OPRM1: variants seen among roughly 807,000 people sequenced by gnomAD.
OPRM1 encodes the protein mu-type opioid receptor.
OPRM1 carries 27 observed loss-of-function variants against 31.8 expected under a neutral mutation model. That is an observed-to-expected ratio of 0.85 (90% confidence interval 0.63 to 1.17). OPRM1 has a LOEUF of 1.17. Among genes scored for constraint, OPRM1 ranks in the 50% most tolerant of loss-of-function variants. The pLI is 0.00. For missense variants in OPRM1, 536 were observed against 511.1 expected (o/e 1.05, Z -0.47); for synonymous variants, 196 against 189.9 (o/e 1.03, Z -0.26).
At chr6:154,077,754 A>C (rs987031198) in intron 1 of OPRM1, among the ~76,000 whole-genome samples, 5 of 152,004 alleles carry the variant, frequency 3.3e-5, no homozygotes, top group Non-Finnish European at 7.4e-5. Context: ...TTAATTAATT[A>C]ATTAACTAAA....
chr6:154,124,226 A>G lies in OPRM1; in HGVS notation c.*5505A>G, dbSNP rs1292208310. ...TAAGAGCTCGGAAATCATTAAAATT[A>G]AGTTTATCAATTTTTGAAAGCATCT... On this transcript the variant is annotated 3_prime_UTR_variant, in exon 4 of 4. Coordinates refer to ENST00000330432, the MANE Select transcript of OPRM1 (RefSeq NM_000914.5). Among the ~76,000 whole-genome samples, 1 of 152,230 alleles carries G rather than the reference A, an allele frequency of 6.6e-6. No homozygotes were observed. Among genetic ancestry groups the G allele is most frequent in the East Asian group, 1.9e-4 (1 of 5,202 alleles).
intron 3 of OPRM1, among the ~76,000 whole-genome samples, chr6:154,227,498 C>T (rs1428013939): frequency 1.3e-5 from 2 of 152,060 alleles, no homozygotes; most frequent in Admixed American, 1.3e-4. Context: ...GTGGGAGGAT[C>T]ACTTGAGCCC....
chr6:154,136,615 C>T (rs1301877339), downstream of OPRM1, among the ~76,000 whole-genome samples: 2 of 152,162 alleles, frequency 1.3e-5, no homozygotes, highest in Non-Finnish European at 2.9e-5. Flanking sequence ...TTCCTGGGCC[C>T]TCTTCCTGCA....
At position 154,125,789 on chromosome 6, in the gene OPRM1, A is replaced by ATTTTTTT. The variant is rs543695202; in HGVS notation, c.*7093_*7099dup. 9.3e-5 allele frequency among the ~76,000 whole-genome samples: 2 copies of ATTTTTTT among 21,392 alleles called. 1 individual carries two copies. Among genetic ancestry groups the ATTTTTTT allele is most frequent in the Non-Finnish European group, 2.2e-4 (2 of 9,096 alleles). 14.0% of individuals were successfully genotyped at this position (21,392 alleles called of 152,430 possible). ...TTTGCATTGCCCACTAAGGCTAGAC[A>ATTTTTTT]TTTTTTTTTTTTTTTTTTTTTTTTT... On this transcript the variant is annotated 3_prime_UTR_variant, in exon 4 of 4. Coordinates refer to ENST00000330432, the MANE Select transcript of OPRM1 (RefSeq NM_000914.5).
intron 1 of OPRM1, among the ~76,000 whole-genome samples, chr6:154,071,904 T>G (rs1426436355): frequency 6.6e-6 from 1 of 152,236 alleles, no homozygotes; most frequent in Non-Finnish European, 1.5e-5. Flanking sequence ...TAACTTGTTT[T>G]TGTCTTGTTG....
chr6:154,078,856 C>T (rs1263652310), intron 1 of OPRM1, among the ~76,000 whole-genome samples: 3 of 151,686 alleles, frequency 2.0e-5, no homozygotes, highest in East Asian at 1.9e-4. Flanking sequence ...CCAGCCTGGG[C>T]GACAGAGCCA....
chr6:154,143,319 C>T (rs1798270119), intron 3 of OPRM1, among the ~76,000 whole-genome samples: 1 of 152,256 alleles, frequency 6.6e-6, no homozygotes, highest in Non-Finnish European at 1.5e-5. Context: ...TCCATCTATA[C>T]CGATACCTCA....
intron 3 of OPRM1, among the ~76,000 whole-genome samples, chr6:154,152,451 C>T (rs143627608): frequency 1.6e-3 from 237 of 152,046 alleles, no homozygotes; most frequent in African/African-American, 5.4e-3. Flanking sequence ...CTGTATTTAT[C>T]CATGCATTTC....
intron 1 of OPRM1, among the ~76,000 whole-genome samples, chr6:154,024,278 G>A (rs930458856): frequency 2.0e-5 from 3 of 151,910 alleles, no homozygotes; most frequent in Non-Finnish European, 4.4e-5. Context: ...TAGGTTGTAT[G>A]TGTCCAAGAA....
intron 1 of OPRM1, among the ~76,000 whole-genome samples, chr6:154,071,906 G>T (rs1189840378): frequency 6.6e-6 from 1 of 152,120 alleles, no homozygotes; most frequent in African/African-American, 2.4e-5. Flanking sequence ...ACTTGTTTTT[G>T]TCTTGTTGCA....
intron 3 of OPRM1, among the ~76,000 whole-genome samples, chr6:154,221,533 G>A (rs888819092): frequency 6.6e-5 from 10 of 152,232 alleles, no homozygotes; most frequent in Middle Eastern, 3.4e-3. Context: ...ATGTCAGAAC[G>A]TCCAGAACAG....
In OPRM1 at chr6:154,052,577, A is replaced by T. The variant is rs369204616; in HGVS notation, c.290+12743A>T. 3.3e-5 allele frequency among the ~76,000 whole-genome samples: 5 copies of T among 152,358 alleles called. No individual in the cohort carries two copies. In the East Asian group the frequency reaches 5.8e-4, roughly 18 times the overall value. ...TTTGATTTCTTTCAACCATTTAAAA[A>T]TGTAAAATTGTTCCTAGCTGGAAGA... On this transcript the variant is annotated intron_variant, in intron 1 of 3. Transcript: ENST00000330432.
At chr6:154,180,414 A>ATATATATATTTTTTTT (rs1241250621) in intron 3 of OPRM1, among the ~76,000 whole-genome samples, 1 of 65,266 alleles carries the variant, frequency 1.5e-5, no homozygotes, top group African/African-American at 4.8e-5. Context: ...ATATATATAT[A>ATATATATATTTTTTTT]TTTTTTTTTT....
intron 3 of OPRM1, among the ~76,000 whole-genome samples, chr6:154,197,050 A>G (rs1385088620): frequency 6.6e-6 from 1 of 152,158 alleles, no homozygotes; most frequent in Middle Eastern, 3.2e-3. Context: ...GCTAGGATGA[A>G]AGCCTCTTCT....
chr6:154,025,606 T>C (rs1240444347), intron 1 of OPRM1, among the ~76,000 whole-genome samples: 1 of 152,028 alleles, frequency 6.6e-6, no homozygotes, highest in Non-Finnish European at 1.5e-5. Flanking sequence ...ATCTTCCTTC[T>C]TTTTTCCATT....
chr6:154,189,105 T>A (rs1411573720), intron 3 of OPRM1, among the ~76,000 whole-genome samples: 1 of 152,152 alleles, frequency 6.6e-6, no homozygotes, highest in Non-Finnish European at 1.5e-5. Context: ...ATGTATACAT[T>A]CCTACAAATC....
chr6:154,139,997 G>C (rs1339334440), intron 3 of OPRM1, among the ~76,000 whole-genome samples: 3 of 152,160 alleles, frequency 2.0e-5, no homozygotes, highest in African/African-American at 4.8e-5. Context: ...AATTGAGGAA[G>C]CAACCATCCC....
intron 1 of OPRM1, among the ~76,000 whole-genome samples, chr6:154,059,353 C>G (rs1254219744): frequency 6.6e-6 from 1 of 152,138 alleles, no homozygotes; most frequent in African/African-American, 2.4e-5. Flanking sequence ...TTTACAAAGC[C>G]TCAATTGTGA....
intron 3 of OPRM1, among the ~76,000 whole-genome samples, chr6:154,196,839 G>C (rs964097459): frequency 3.3e-5 from 5 of 152,150 alleles, no homozygotes; most frequent in Non-Finnish European, 7.3e-5. Flanking sequence ...TTAACACCCT[G>C]ATTTTATTTT....
Sources: allele counts gnomAD v4.1 joint callset (sites outside exome capture counted in the v4.1 genomes callset), GRCh38; gene constraint gnomAD v4.1.1; transcripts MANE v1.5; gene names NCBI Gene and HGNC (gene_info 2026-07-23, HGNC 2026-07-21).